The following SLC44A1 variants were observed in gnomAD, a reference collection of about 807,000 sequenced individuals.
SLC44A1 encodes the protein choline transporter-like protein 1.
In SLC44A1, 26 loss-of-function variants were observed where a neutral mutation model predicts 79.3. The observed-to-expected ratio is 0.33, with a 90% confidence interval of 0.24 to 0.46. SLC44A1 has a LOEUF of 0.46. Ranked by LOEUF, SLC44A1 falls within the 20% of genes least tolerant of loss-of-function variation. The pLI is 1.00. For synonymous variants in SLC44A1, 263 were observed against 286.2 expected (o/e 0.92, Z 0.82); for missense variants, 688 against 798.1 (o/e 0.86, Z 1.66).
intron 15 of SLC44A1, among the ~76,000 whole-genome samples, chr9:105,420,172 C>G (rs1829227188): frequency 6.6e-6 from 1 of 152,162 alleles, no homozygotes; most frequent in East Asian, 1.9e-4. Context: ...ATCCCCGACC[C>G]TGACCCTAGC....
chr9:105,396,060 ATTG>A lies in SLC44A1; in HGVS notation c.*7007_*7009del. ...GCTCAGAACTTGGTTTTTGGCCCCT[ATTG>A]TTTTTGCCTATTTTGATTTTCAGAG... On this transcript the variant is annotated 3_prime_UTR_variant, in exon 16 of 16. Coordinates refer to ENST00000374720, the MANE Select transcript of SLC44A1 (RefSeq NM_080546.5). 1 of 985,212 alleles carries A rather than the reference ATTG, an allele frequency of 1.0e-6. No individual in the cohort carries two copies. 61.0% of individuals were successfully genotyped at this position (985,212 alleles called of 1,614,324 possible).
intron 1 of SLC44A1, among the ~76,000 whole-genome samples, chr9:105,287,053 A>G (rs1362146642): frequency 6.6e-6 from 1 of 152,216 alleles, no homozygotes; most frequent in Non-Finnish European, 1.5e-5. Context: ...GAACAGCAGA[A>G]AGGTGAAAGT....
Position 105,362,805 on chromosome 9 carries a change from CAT to C in SLC44A1, c.901-15_901-14del, listed in dbSNP as rs766236604. On this transcript the variant is annotated splice_polypyrimidine_tract_variant and intron_variant, in intron 8 of 15. Coordinates refer to ENST00000374720, the MANE Select transcript of SLC44A1 (RefSeq NM_080546.5). ...CACTACTTATAATAATAACTGAAAC[CAT>C]TCTCTCCATACAGGTGATCTTATTC... The C allele has an allele frequency of 6.6e-7, 1 of 1,515,434 alleles. No homozygotes were observed. Among genetic ancestry groups the C allele is most frequent in the African/African-American group, 1.4e-5 (1 of 70,394 alleles). 93.9% of individuals were successfully genotyped at this position (1,515,434 alleles called of 1,614,324 possible).
chr9:105,370,287 TG>T (rs1167348317), intron 12 of SLC44A1, among the ~76,000 whole-genome samples: 1 of 152,240 alleles, frequency 6.6e-6, no homozygotes, highest in Non-Finnish European at 1.5e-5. Flanking sequence ...TTTTTCTTCC[TG>T]AAGAGGTCAT....
intron 1 of SLC44A1, among the ~76,000 whole-genome samples, chr9:105,273,833 A>G (rs1015256799): frequency 1.3e-4 from 20 of 152,158 alleles, no homozygotes; most frequent in African/African-American, 4.8e-4. Flanking sequence ...TTCTCTTAGT[A>G]GGATTAATAA....
Position 105,394,584 on chromosome 9 carries a change from C to A in SLC44A1, c.*5528C>A. ...AATCCATCTACCAAAACACTTGATT[C>A]TTTTTATTGTAGCTCAGCTATGACA... is the stretch of plus-strand genomic sequence containing the variant. On this transcript the variant is annotated 3_prime_UTR_variant, in exon 16 of 16. Coordinates refer to ENST00000374720, the MANE Select transcript of SLC44A1 (RefSeq NM_080546.5). 2.0e-6 allele frequency: 2 copies of A among 984,898 alleles called. No individual in the cohort carries two copies. The highest frequency in any genetic ancestry group is 2.3e-4 in the East Asian group (2 of 8,802). The allele number at this position is 984,898 out of a possible 1,614,324, so 61.0% of individuals were successfully genotyped here.
chr9:105,370,991 C>T (rs917642743), intron 12 of SLC44A1, among the ~76,000 whole-genome samples: 1 of 152,148 alleles, frequency 6.6e-6, no homozygotes, highest in African/African-American at 2.4e-5. Context: ...ATAACTGGCT[C>T]ATTAGTCTCT....
chr9:105,416,215 G>C (rs1829168748), intron 15 of SLC44A1, among the ~76,000 whole-genome samples: 2 of 151,610 alleles, frequency 1.3e-5, no homozygotes, highest in Non-Finnish European at 2.9e-5. Flanking sequence ...TTTTTGACTA[G>C]GGAATTTGTT....
At chr9:105,400,630 T>G (rs905580519), downstream of SLC44A1, among the ~76,000 whole-genome samples, 2 of 152,224 alleles carry the variant, frequency 1.3e-5, no homozygotes, top group African/African-American at 4.8e-5. Context: ...AAGACACCAA[T>G]AATGTAACCT....
At chr9:105,262,738 G>A (rs547965378) in intron 1 of SLC44A1, among the ~76,000 whole-genome samples, 48 of 152,126 alleles carry the variant, frequency 3.2e-4, no homozygotes, top group African/African-American at 1.1e-3. Context: ...CTAACTACAG[G>A]GTCCAGAATG....
At chr9:105,386,245 A>G (rs1828623137) in intron 15 of SLC44A1, 2 of 981,396 alleles carry the variant, frequency 2.0e-6, no homozygotes, top group Non-Finnish European at 2.4e-6. Context: ...TGCTTTTCAC[A>G]TGGATATTGT....
At chr9:105,345,308 A>G (rs938741583) in intron 4 of SLC44A1, among the ~76,000 whole-genome samples, 3 of 152,222 alleles carry the variant, frequency 2.0e-5, no homozygotes, top group East Asian at 3.8e-4. Flanking sequence ...AAAAAAATGT[A>G]GGATAACTTG....
Position 105,254,784 on chromosome 9 carries a change from G to C in SLC44A1, c.36+9880G>C, listed in dbSNP as rs537965028. On this transcript the variant is annotated intron_variant, in intron 1 of 15. Transcript: ENST00000374720. ...AGATGAAGAAGAGCATTTGAGGTTG[G>C]AATAATGGTTAAGTGGTGAGTTAGT... 4.6e-5 allele frequency among the ~76,000 whole-genome samples: 7 copies of C among 152,292 alleles called. No individual in the cohort carries two copies. In the East Asian group the frequency reaches 1.2e-3, roughly 25 times the overall value.
intron 3 of SLC44A1, among the ~76,000 whole-genome samples, chr9:105,317,305 CAG>C: frequency 6.6e-6 from 1 of 152,126 alleles, no homozygotes; most frequent in East Asian, 1.9e-4. Context: ...CAGCCAGTGA[CAG>C]GGTTTCAGGG....
intron 15 of SLC44A1, among the ~76,000 whole-genome samples, chr9:105,408,111 G>A (rs951018294): frequency 9.2e-5 from 14 of 152,012 alleles, no homozygotes; most frequent in African/African-American, 2.7e-4. Context: ...CCGAGATCTC[G>A]CCACTGCACT....
intron 1 of SLC44A1, among the ~76,000 whole-genome samples, chr9:105,255,380 G>A (rs950467736): frequency 6.6e-6 from 1 of 151,986 alleles, no homozygotes; most frequent in Non-Finnish European, 1.5e-5. Flanking sequence ...TGAATAAATT[G>A]GAATGACCCT....
intron 3 of SLC44A1, among the ~76,000 whole-genome samples, chr9:105,310,895 G>C (rs1358162711): frequency 2.0e-5 from 3 of 152,286 alleles, no homozygotes; most frequent in African/African-American, 7.2e-5. Flanking sequence ...AGCGATGAGT[G>C]TTTGTATGGC....
At chr9:105,328,726 C>T (rs546483688) in intron 3 of SLC44A1, among the ~76,000 whole-genome samples, 26 of 152,248 alleles carry the variant, frequency 1.7e-4, no homozygotes, top group African/African-American at 5.5e-4. Flanking sequence ...GAGGAGGCTG[C>T]CATGCTGTTT....
chr9:105,245,752 C>T (rs1186223496), intron 1 of SLC44A1, among the ~76,000 whole-genome samples: 1 of 152,204 alleles, frequency 6.6e-6, no homozygotes, highest in Non-Finnish European at 1.5e-5. Flanking sequence ...AGATTTCTCT[C>T]AGCTTCTACC....
Sources: allele counts gnomAD v4.1 joint callset (sites outside exome capture counted in the v4.1 genomes callset), GRCh38; gene constraint gnomAD v4.1.1; transcripts MANE v1.5; gene names NCBI Gene and HGNC (gene_info 2026-07-23, HGNC 2026-07-21).